The following EYA1 variants were observed in gnomAD, a reference collection of about 807,000 sequenced individuals.
The protein encoded by EYA1 is protein phosphatase EYA1.
Under a neutral mutation model 82.0 loss-of-function variants are expected in EYA1, and 16 were observed. The ratio of observed to expected loss-of-function variants is 0.20; its 90% confidence interval spans 0.13 to 0.30. EYA1 has a LOEUF of 0.30. EYA1 is among the 10% of genes least tolerant of loss of function. EYA1 has a pLI of 1.00. For synonymous variants in EYA1, 261 were observed against 264.4 expected, an observed-to-expected ratio of 0.99 and a Z score of 0.12; for missense variants, 633 against 730.7, an observed-to-expected ratio of 0.87 and a Z score of 1.54.
chr8:71,281,095 T>C (rs900091665), intron 9 of EYA1, among the ~76,000 whole-genome samples: 3 of 152,206 alleles, frequency 2.0e-5, no homozygotes, highest in Non-Finnish European at 2.9e-5. Flanking sequence ...AATAGTTTTT[T>C]AAAAACAATC....
At chr8:71,321,234 G>A (rs1454257753) in intron 6 of EYA1, among the ~76,000 whole-genome samples, 1 of 152,138 alleles carries the variant, frequency 6.6e-6, no homozygotes, top group Non-Finnish European at 1.5e-5. Context: ...GTACACTCCA[G>A]GCAGTGATAT....
At chr8:71,200,576 AACAG>A (rs1275373057) in intron 17 of EYA1, among the ~76,000 whole-genome samples, 11 of 152,332 alleles carry the variant, frequency 7.2e-5, no homozygotes, top group Non-Finnish European at 1.3e-4. Flanking sequence ...ATTGAGTGAT[AACAG>A]AATAGTCCAG....
At chr8:71,445,035 T>G (rs781095682) in intron 2 of EYA1, among the ~76,000 whole-genome samples, 16 of 152,234 alleles carry the variant, frequency 1.1e-4, no homozygotes, top group Non-Finnish European at 1.9e-4. Flanking sequence ...TTTCACAAGA[T>G]AATTTGCCCA....
intron 7 of EYA1, among the ~76,000 whole-genome samples, chr8:71,309,445 T>A (rs1821095289): frequency 6.6e-6 from 1 of 152,106 alleles, no homozygotes; most frequent in Admixed American, 6.5e-5. Flanking sequence ...TAAGGGGCAA[T>A]TCTGCACATC....
chr8:71,308,473 G>C (rs1193389993), intron 7 of EYA1, among the ~76,000 whole-genome samples: 2 of 152,054 alleles, frequency 1.3e-5, no homozygotes, highest in Non-Finnish European at 2.9e-5. Flanking sequence ...TAACAAACAA[G>C]AAACAGTCTT....
At chr8:71,330,671 G>C (rs757677714) in intron 4 of EYA1, among the ~76,000 whole-genome samples, 7 of 152,180 alleles carry the variant, frequency 4.6e-5, no homozygotes, top group Non-Finnish European at 8.8e-5. Flanking sequence ...CAGGGACAAG[G>C]ATAAAGTTCA....
chr8:71,219,674 CTTA>C (rs1206923535), intron 12 of EYA1, among the ~76,000 whole-genome samples: 1 of 152,088 alleles, frequency 6.6e-6, no homozygotes, highest in Non-Finnish European at 1.5e-5. Context: ...TAAATGCTTA[CTTA>C]TTAACATTTT....
At chr8:71,394,335 C>T (rs1829457641) in intron 2 of EYA1, among the ~76,000 whole-genome samples, 1 of 152,110 alleles carries the variant, frequency 6.6e-6, no homozygotes, top group Non-Finnish European at 1.5e-5. Flanking sequence ...GTTGCCATTG[C>T]TTTTGGTGTT....
chr8:71,533,532 A>C (rs1586901005), intron 2 of EYA1, among the ~76,000 whole-genome samples: 1 of 152,314 alleles, frequency 6.6e-6, no homozygotes, highest in South Asian at 2.1e-4. Context: ...TTCCTTAAGG[A>C]GACAGGGCCT....
intron 4 of EYA1, among the ~76,000 whole-genome samples, chr8:71,333,223 A>G (rs6472583): frequency 0.92 from 139,849 of 152,262 alleles, 64,357 homozygotes; most frequent in East Asian, 0.99. Flanking sequence ...AATTTTTATC[A>G]CTTTCACCTG....
chr8:71,360,751 A>C (rs1424282043), intron 1 of EYA1, among the ~76,000 whole-genome samples: 1 of 152,246 alleles, frequency 6.6e-6, no homozygotes, highest in East Asian at 1.9e-4. Context: ...CCAAACCTAT[A>C]AAACTACACT....
chr8:71,470,468 T>C (rs950977379), intron 2 of EYA1, among the ~76,000 whole-genome samples: 1 of 152,062 alleles, frequency 6.6e-6, no homozygotes, highest in Non-Finnish European at 1.5e-5. Context: ...TGAGTTTCTT[T>C]TTCTATTAGG....
At chr8:71,496,380 C>G (rs553959618) in intron 2 of EYA1, among the ~76,000 whole-genome samples, 125 of 152,258 alleles carry the variant, frequency 8.2e-4, no homozygotes, top group Admixed American at 2.7e-3. Context: ...GCACTTAATT[C>G]ACTTAGATTA....
At chr8:71,510,135 A>G (rs1483286656) in intron 2 of EYA1, among the ~76,000 whole-genome samples, 1 of 152,138 alleles carries the variant, frequency 6.6e-6, no homozygotes, top group Non-Finnish European at 1.5e-5. Flanking sequence ...AGCAAACATG[A>G]TACTAGCAGA....
In EYA1 at chr8:71,215,670, G is replaced by A. The variant is rs758650723; in HGVS notation, c.1419C>T (p.Ala473=). 6 of 1,614,002 alleles carry A rather than the reference G, an allele frequency of 3.7e-6. No individual in the cohort carries two copies. Among genetic ancestry groups the A allele is most frequent in the African/African-American group, 1.3e-5 (1 of 74,906 alleles). Residue 473 remains alanine (A), a synonymous_variant, in exon 15 of 18, where the codon GCC becomes GCT. Coordinates refer to ENST00000340726, the MANE Select transcript of EYA1 (RefSeq NM_000503.6). ...CCAGTGTCAACCAGGAGTCGGTCAG[G>A]GCTTCAATTTCGGCCCTCAACTGCA... The part of the protein sequence containing the change: ...AWLQLRAEIE[A]LTDSWLTLAL...
chr8:71,463,364 C>T (rs1808511278), intron 2 of EYA1, among the ~76,000 whole-genome samples: 1 of 152,116 alleles, frequency 6.6e-6, no homozygotes, highest in South Asian at 2.1e-4. Context: ...GAATGGACTG[C>T]CTTGTAAACC....
At chr8:71,257,160 C>A (rs1048684219) in intron 11 of EYA1, among the ~76,000 whole-genome samples, 2 of 151,882 alleles carry the variant, frequency 1.3e-5, no homozygotes, top group Non-Finnish European at 2.9e-5. Context: ...ACATACTCAA[C>A]TCTATACAAA....
intron 2 of EYA1, among the ~76,000 whole-genome samples, chr8:71,409,699 C>T (rs1288652021): frequency 1.2e-5 from 1 of 81,724 alleles, no homozygotes; most frequent in Non-Finnish European, 2.4e-5. Context: ...CTGAATAGAC[C>T]AATAACAGGA....
chr8:71,389,725 TC>T (rs1829165351), intron 2 of EYA1, among the ~76,000 whole-genome samples: 1 of 152,212 alleles, frequency 6.6e-6, no homozygotes, highest in African/African-American at 2.4e-5. Context: ...AAGCTGAGTT[TC>T]GTACAAGATC....
Sources: gnomAD v4.1 joint callset for allele counts (sites outside exome capture counted in the v4.1 genomes callset) on GRCh38, gnomAD v4.1.1 for gene constraint, MANE v1.5 for transcripts, NCBI Gene and HGNC (gene_info 2026-07-23, HGNC 2026-07-21) for gene names.